DET1: variants seen among roughly 807,000 people sequenced by gnomAD.
DET1 encodes the protein DET1 homolog.
A neutral mutation model predicts 43.7 loss-of-function variants in DET1; 22 were observed. The observed-to-expected ratio is 0.50, with a 90% CI of 0.36 to 0.72. The LOEUF is 0.72. DET1 is among the 30% of genes least tolerant of loss of function. The probability of loss-of-function intolerance (pLI) is 0.00; values close to 1 mark genes in which losing one functional copy is unlikely to be tolerated. For missense variants in DET1, 713 were observed against 713.3 expected (o/e 1.00, Z 0.00); for synonymous variants, 315 against 266.2 (o/e 1.18, Z -1.79).
chr15:88,513,555 C>T (rs1419382234), intron 4 of DET1, among the ~76,000 whole-genome samples: 1 of 149,554 alleles, frequency 6.7e-6, no homozygotes, highest in South Asian at 2.1e-4. Flanking sequence ...TTTAATAATA[C>T]ATTTCATTTA....
intron 1 of DET1, among the ~76,000 whole-genome samples, chr15:88,543,728 G>C (rs1042922369): frequency 2.0e-5 from 3 of 152,132 alleles, no homozygotes; most frequent in African/African-American, 7.2e-5. Flanking sequence ...AAGGATAAAC[G>C]TATTAACATT....
chr15:88,527,772 C>A lies in DET1; in HGVS notation c.1098G>T (p.Val366=). 1 of 1,593,634 alleles carries A rather than the reference C, an allele frequency of 6.3e-7. No individual in the cohort carries two copies. Among genetic ancestry groups the A allele is most frequent in the East Asian group, 2.3e-5 (1 of 44,420 alleles). Residue 366 remains valine (V), a synonymous_variant, in exon 3 of 5, where the codon GTG becomes GTT. Transcript: ENST00000268148. ...CCTCTGTCGTCACCATATTGTACAC[C>A]ACAAAGAAAGATGCCTGCAGAAGAA... ...VTDPSQASFF[V]VYNMVTTEVI... is the part of the protein sequence containing the mutation.
chr15:88,542,330 A>T (rs1421833121), intron 1 of DET1, among the ~76,000 whole-genome samples: 1 of 152,120 alleles, frequency 6.6e-6, no homozygotes, highest in Non-Finnish European at 1.5e-5. Context: ...AGAGCCTTGG[A>T]CGATTTTCAC....
At chr15:88,511,523 C>T (rs1300616328), downstream of DET1, 2 of 985,558 alleles carry the variant, frequency 2.0e-6, no homozygotes. Context: ...ATTGATCCAA[C>T]TCCAGTGCTC....
Position 88,531,313 on chromosome 15 carries a change from G to A in DET1, c.393C>T (p.Thr131=), listed in dbSNP as rs766959149. 5.0e-6 allele frequency: 8 copies of A among 1,613,790 alleles called. No homozygotes were observed. Among genetic ancestry groups the A allele is most frequent in the Non-Finnish European group, 6.8e-6 (8 of 1,179,874 alleles). The change falls in exon 2 of 5, where the codon ACC becomes ACT. Residue 131 remains threonine, a synonymous_variant. Transcript: ENST00000268148. This position sits in a 1 kb window ranked among gnomAD's most constrained non-coding sequence, Gnocchi z 6.2. ...FERFFVLLHI[T]NVAANGEHLN... ...GGTGCTCACCATTGGCCGCAACATT[G>A]GTAATGTGCAGCAGGACAAAAAAGC... is the stretch of plus-strand genomic sequence containing the variant.
At chr15:88,536,770 CA>C (rs58177778) in intron 1 of DET1, among the ~76,000 whole-genome samples, 948 of 48,064 alleles carry the variant, frequency 0.02, 11 homozygotes, top group African/African-American at 0.065. Context: ...GACTCCATCT[CA>C]AAAAAAAAAA....
At chr15:88,535,283 G>A (rs971569197) in intron 1 of DET1, among the ~76,000 whole-genome samples, 16 of 151,962 alleles carry the variant, frequency 1.1e-4, no homozygotes, top group South Asian at 4.1e-4. Context: ...TCAGAGAAAT[G>A]AGTCAGTCAC....
chr15:88,518,982 T>G (rs1292132238), intron 3 of DET1, among the ~76,000 whole-genome samples: 1 of 152,162 alleles, frequency 6.6e-6, no homozygotes, highest in Non-Finnish European at 1.5e-5. Flanking sequence ...TAGAGCTTAT[T>G]TTTTCCCTTT....
At chr15:88,540,448 TG>T (rs2057077409) in intron 1 of DET1, among the ~76,000 whole-genome samples, 18 of 151,876 alleles carry the variant, frequency 1.2e-4, no homozygotes, top group Admixed American at 1.2e-3. Flanking sequence ...GCTCAAATTC[TG>T]TTAAATTGCC....
intron 3 of DET1, among the ~76,000 whole-genome samples, chr15:88,524,880 C>T (rs947679382): frequency 2.0e-5 from 3 of 151,806 alleles, no homozygotes; most frequent in Non-Finnish European, 1.5e-5. Flanking sequence ...TGCTGACCTT[C>T]CCTCCACTAT....
At chr15:88,535,388 G>T (rs1319409555) in intron 1 of DET1, among the ~76,000 whole-genome samples, 3 of 151,530 alleles carry the variant, frequency 2.0e-5, no homozygotes, top group Non-Finnish European at 4.4e-5. Flanking sequence ...AGGGCCCTAG[G>T]GAAAATATCA....
chr15:88,519,634 C>T (rs1342683007), intron 3 of DET1, among the ~76,000 whole-genome samples: 1 of 152,186 alleles, frequency 6.6e-6, no homozygotes, highest in Non-Finnish European at 1.5e-5. Context: ...CTTCCTTCCA[C>T]ATAGATGAAA....
At chr15:88,510,074 T>G (rs190453329), downstream of DET1, among the ~76,000 whole-genome samples, 3 of 152,298 alleles carry the variant, frequency 2.0e-5, no homozygotes, top group East Asian at 5.8e-4. Context: ...TTTATCCTTA[T>G]CCTAACCTGA....
rs766781407 is a variant in DET1 at position 88,513,127 on chromosome 15, C to T, written c.1477G>A (p.Asp493Asn). 12 of 1,611,140 alleles carry T rather than the reference C, an allele frequency of 7.4e-6. No homozygotes were observed. Among genetic ancestry groups the T allele is most frequent in the Non-Finnish European group, 1.0e-5 (12 of 1,178,490 alleles). The change falls in exon 5 of 5, where the codon GAC (aspartate) becomes AAC (asparagine). Residue 493 changes from aspartate to asparagine, a missense_variant. Transcript: ENST00000268148. ...GDHPIRFYAR[D>N]SGLLKFEIQA... ...ATCTCAAACTTGAGCAGGCCCGAGT[C>T]CCGGGCATAGAACCTAAAAAGAACA...
intron 1 of DET1, among the ~76,000 whole-genome samples, chr15:88,543,884 A>G (rs567599617): frequency 6.6e-6 from 1 of 152,306 alleles, no homozygotes; most frequent in South Asian, 2.1e-4. Flanking sequence ...GGTAAATGCC[A>G]AGCAAGGTTC....
intron 7 of DET1, among the ~76,000 whole-genome samples, chr15:88,507,235 C>T (rs1294663621): frequency 6.6e-6 from 1 of 152,138 alleles, no homozygotes; most frequent in Non-Finnish European, 1.5e-5. Context: ...TAAATCCAGA[C>T]CTGACTCCTT....
At chr15:88,535,173 A>G (rs1224798454) in intron 1 of DET1, among the ~76,000 whole-genome samples, 1 of 152,242 alleles carries the variant, frequency 6.6e-6, no homozygotes, top group Non-Finnish European at 1.5e-5. Flanking sequence ...AAACTCTTCT[A>G]GCTTCCATAG....
At chr15:88,546,338 G>A (rs2057254487) in intron 1 of DET1, 1 of 152,498 alleles carries the variant, frequency 6.6e-6, no homozygotes, top group Admixed American at 6.5e-5. Context: ...CTCTAAACCA[G>A]AAGGGGATGC....
intron 1 of DET1, among the ~76,000 whole-genome samples, chr15:88,543,482 G>C (rs1049889672): frequency 6.6e-6 from 1 of 152,202 alleles, no homozygotes; most frequent in Admixed American, 6.5e-5. Flanking sequence ...ATCCAAGACT[G>C]TAAGGAACTG....
Sources: allele counts gnomAD v4.1 joint callset (sites outside exome capture counted in the v4.1 genomes callset), GRCh38; gene constraint gnomAD v4.1.1; non-coding constraint Gnocchi (gnomAD v3.1); transcripts MANE v1.5; gene names NCBI Gene and HGNC (gene_info 2026-07-23, HGNC 2026-07-21).